MTUS2: variants seen among roughly 807,000 people sequenced by gnomAD.
MTUS2 encodes microtubule-associated tumor suppressor candidate 2.
Under a neutral mutation model 114.1 loss-of-function variants are expected in MTUS2, and 40 were observed. That is an observed-to-expected ratio of 0.35 (90% CI 0.27 to 0.46). The LOEUF (loss-of-function observed/expected upper bound fraction) is 0.46, where lower values mean the gene tolerates loss of function less well. Ranked by LOEUF, MTUS2 falls within the 20% of genes least tolerant of loss-of-function variation. The probability of loss-of-function intolerance (pLI) is 1.00; values close to 1 mark genes in which losing one functional copy is unlikely to be tolerated. For missense variants in MTUS2, 1,679 were observed against 1,705.4 expected (o/e 0.98, Z 0.27); for synonymous variants, 688 against 672.0 (o/e 1.02, Z -0.37).
intron 5 of MTUS2, among the ~76,000 whole-genome samples, chr13:29,153,576 C>A (rs1372118103): frequency 6.6e-6 from 1 of 152,270 alleles, no homozygotes; most frequent in South Asian, 2.1e-4. Flanking sequence ...ATGGCTGGCA[C>A]TGCCTCCAGC....
chr13:29,328,060 T>C (rs576572650), intron 7 of MTUS2, among the ~76,000 whole-genome samples: 2 of 152,310 alleles, frequency 1.3e-5, no homozygotes, highest in Middle Eastern at 3.4e-3. Flanking sequence ...TATCCAAATA[T>C]TTTTCCATTT....
intron 11 of MTUS2, 120 bp from the exon 12 acceptor site, chr13:29,492,526 A>G (rs923892942): frequency 1.4e-6 from 1 of 693,838 alleles, no homozygotes; most frequent in African/African-American, 1.8e-5. Context: ...TTAGGCTTGA[A>G]TCTGCTATAC....
intron 2 of MTUS2, among the ~76,000 whole-genome samples, chr13:28,936,548 T>C (rs946432711): frequency 1.3e-5 from 2 of 152,094 alleles, no homozygotes; most frequent in Non-Finnish European, 2.9e-5. Context: ...CTGGTGTGGC[T>C]TGGGGGAAGA....
intron 1 of MTUS2, among the ~76,000 whole-genome samples, chr13:28,823,974 T>C (rs527405384): frequency 1.2e-4 from 19 of 152,288 alleles, no homozygotes; most frequent in African/African-American, 4.6e-4. Flanking sequence ...AGTTCCCCCA[T>C]GATTAAATTA....
At chr13:29,198,093 T>G (rs2139224723) in intron 5 of MTUS2, among the ~76,000 whole-genome samples, 1 of 152,368 alleles carries the variant, frequency 6.6e-6, no homozygotes, top group South Asian at 2.1e-4. Context: ...TCTGTCAATT[T>G]TGGCTTTTGT....
intron 9 of MTUS2, among the ~76,000 whole-genome samples, chr13:29,463,541 A>T (rs1372542278): frequency 6.6e-6 from 1 of 152,158 alleles, no homozygotes; most frequent in Non-Finnish European, 1.5e-5. Context: ...CACACGCCCT[A>T]TTGGGGCATT....
chr13:29,437,122 G>T (rs9578099), intron 8 of MTUS2, among the ~76,000 whole-genome samples: 4,735 of 152,226 alleles, frequency 0.031, 103 homozygotes, highest in Middle Eastern at 0.054. Flanking sequence ...CTCTGATAAC[G>T]TCCAGCAGGG....
At chr13:29,125,867 C>CTGTT (rs1386980835) in intron 5 of MTUS2, among the ~76,000 whole-genome samples, 2 of 152,210 alleles carry the variant, frequency 1.3e-5, no homozygotes, top group Admixed American at 1.3e-4. Flanking sequence ...AGACAGCTTT[C>CTGTT]TGTTTGAGGC....
intron 5 of MTUS2, among the ~76,000 whole-genome samples, chr13:29,179,874 A>G (rs1893926385): frequency 6.6e-6 from 1 of 152,148 alleles, no homozygotes; most frequent in South Asian, 2.1e-4. Flanking sequence ...TAGAGGAGAA[A>G]TTTTAAGGAT....
At chr13:29,192,483 C>T (rs1210556215) in intron 5 of MTUS2, among the ~76,000 whole-genome samples, 1 of 152,186 alleles carries the variant, frequency 6.6e-6, no homozygotes, top group East Asian at 1.9e-4. Context: ...TGTTCTGTAG[C>T]ACTGAACAAT....
intron 5 of MTUS2, among the ~76,000 whole-genome samples, chr13:29,102,246 C>T (rs1471942221): frequency 6.6e-6 from 1 of 152,198 alleles, no homozygotes; most frequent in Non-Finnish European, 1.5e-5. Context: ...AACTATTTAT[C>T]ATCATTTTTA....
chr13:29,015,619 A>G (rs1886032656), intron 2 of MTUS2, among the ~76,000 whole-genome samples: 1 of 152,224 alleles, frequency 6.6e-6, no homozygotes, highest in Non-Finnish European at 1.5e-5. Context: ...AAAAGGTGTC[A>G]TAAAGTTGTG....
At chr13:28,953,643 T>C (rs927087760) in intron 2 of MTUS2, among the ~76,000 whole-genome samples, 1 of 152,240 alleles carries the variant, frequency 6.6e-6, no homozygotes, top group Non-Finnish European at 1.5e-5. Flanking sequence ...TATAGCCAAA[T>C]ATGTATCTTT....
intron 6 of MTUS2, among the ~76,000 whole-genome samples, chr13:29,282,310 C>T (rs1375329152): frequency 6.6e-6 from 1 of 152,212 alleles, no homozygotes; most frequent in African/African-American, 2.4e-5. Flanking sequence ...ATCTCCAAAG[C>T]TAGGATCCAG....
intron 2 of MTUS2, among the ~76,000 whole-genome samples, chr13:28,952,642 C>A (rs1046443091): frequency 6.6e-6 from 1 of 152,222 alleles, no homozygotes; most frequent in African/African-American, 2.4e-5. Flanking sequence ...CATATGTGAA[C>A]ATATAAACAT....
intron 2 of MTUS2, among the ~76,000 whole-genome samples, chr13:28,923,076 T>C (rs1359418029): frequency 6.6e-6 from 1 of 152,210 alleles, no homozygotes; most frequent in East Asian, 1.9e-4. Flanking sequence ...TTTTATTGAT[T>C]TGTTCTAAAG....
chr13:29,082,883 T>A (rs1249853713), intron 4 of MTUS2, among the ~76,000 whole-genome samples: 1 of 152,020 alleles, frequency 6.6e-6, no homozygotes, highest in Non-Finnish European at 1.5e-5. Context: ...CCAGGAAGCA[T>A]GAGAGGAGGT....
Position 29,359,475 on chromosome 13 carries a change from T to C in MTUS2, c.3117+2T>C, listed in dbSNP as rs1460625226. ...GCCACGCAGCATTTCTTTAGAAAGG[T>C]GAGGCCCCATTTCGTGAAGGTCCAA... On this transcript the variant is annotated splice_donor_variant, in intron 8 of 15. Coordinates refer to ENST00000612955, the MANE Select transcript of MTUS2 (RefSeq NM_001033602.4). LOFTEE classifies it high-confidence loss of function. 6.2e-7 allele frequency: 1 copy of C among 1,607,328 alleles called. No individual in the cohort carries two copies. Among genetic ancestry groups the C allele is most frequent in the Admixed American group, 1.7e-5 (1 of 59,332 alleles).
At chr13:29,224,356 A>G (rs988457721) in intron 5 of MTUS2, among the ~76,000 whole-genome samples, 5 of 151,880 alleles carry the variant, frequency 3.3e-5, no homozygotes, top group Non-Finnish European at 5.9e-5. Flanking sequence ...TATCCCTTCA[A>G]ATATTTCTCT....
Sources: allele counts gnomAD v4.1 joint callset (sites outside exome capture counted in the v4.1 genomes callset), GRCh38; gene constraint gnomAD v4.1.1; transcripts MANE v1.5; gene names NCBI Gene and HGNC (gene_info 2026-07-23, HGNC 2026-07-21).